Variants in RBM19 observed in about 807,000 individuals in gnomAD.
The protein encoded by RBM19 is RNA binding motif protein 19.
A neutral mutation model predicts 116.8 loss-of-function variants in RBM19; 94 were observed. The observed-to-expected ratio is 0.80, with a 90% CI of 0.68 to 0.95. RBM19 has a LOEUF of 0.95. RBM19 is among the 40% of genes least tolerant of loss of function. The pLI, the probability that RBM19 is intolerant of heterozygous loss-of-function variation, is 0.00. For missense variants in RBM19, 1,161 were observed against 1,220.7 expected, an observed-to-expected ratio of 0.95 and a Z score of 0.73; for synonymous variants, 475 against 494.1, an observed-to-expected ratio of 0.96 and a Z score of 0.51.
At chr12:113,820,562 G>A (rs1874347731), downstream of RBM19, among the ~76,000 whole-genome samples, 3 of 152,148 alleles carry the variant, frequency 2.0e-5, no homozygotes, top group African/African-American at 7.2e-5. Context: ...GTTTGAAGCT[G>A]CAGACTGACA....
At chr12:113,864,603 C>T (rs1353738777) in intron 21 of RBM19, among the ~76,000 whole-genome samples, 1 of 152,210 alleles carries the variant, frequency 6.6e-6, no homozygotes, top group Non-Finnish European at 1.5e-5. Context: ...CCCATGTGGC[C>T]AAGGGCCCCA....
intron 22 of RBM19, among the ~76,000 whole-genome samples, chr12:113,853,506 T>C (rs1877636061): frequency 6.6e-6 from 1 of 152,186 alleles, no homozygotes; most frequent in Non-Finnish European, 1.5e-5. Flanking sequence ...GCACATTGCA[T>C]GGGAAAAAAT....
At chr12:113,900,968 C>T (rs1881648662) in intron 21 of RBM19, among the ~76,000 whole-genome samples, 1 of 152,138 alleles carries the variant, frequency 6.6e-6, no homozygotes, top group Non-Finnish European at 1.5e-5. Flanking sequence ...GGCTTTGTGC[C>T]CATCCTGCAA....
intron 15 of RBM19, chr12:113,937,337 A>C: frequency 3.5e-5 from 17 of 492,430 alleles, no homozygotes; most frequent in Non-Finnish European, 5.6e-5. Context: ...GCTGCATCTC[A>C]GGGTGCAGGA....
At chr12:113,866,055 G>C (rs1878785994) in intron 21 of RBM19, among the ~76,000 whole-genome samples, 1 of 152,202 alleles carries the variant, frequency 6.6e-6, no homozygotes, top group African/African-American at 2.4e-5. Context: ...TGTGTACAAA[G>C]TGCAGGGTCA....
At chr12:113,916,674 G>A (rs994016341) in intron 20 of RBM19, among the ~76,000 whole-genome samples, 3 of 152,162 alleles carry the variant, frequency 2.0e-5, no homozygotes, top group African/African-American at 7.2e-5. Flanking sequence ...GCCATGCCAT[G>A]GGGACACTCA....
intron 21 of RBM19, among the ~76,000 whole-genome samples, chr12:113,909,578 G>A (rs1432671082): frequency 1.3e-5 from 2 of 152,196 alleles, no homozygotes; most frequent in Non-Finnish European, 2.9e-5. Context: ...AAGGGAGGGA[G>A]CGGTGAAGGA....
intron 21 of RBM19, among the ~76,000 whole-genome samples, chr12:113,896,338 C>G (rs1220116288): frequency 6.6e-6 from 1 of 152,182 alleles, no homozygotes; most frequent in African/African-American, 2.4e-5. Context: ...GGCCCCATCA[C>G]GTGAGGTGCT....
intron 21 of RBM19, among the ~76,000 whole-genome samples, chr12:113,879,218 G>A (rs1879910249): frequency 6.6e-6 from 1 of 151,988 alleles, no homozygotes; most frequent in Non-Finnish European, 1.5e-5. Context: ...GGCAATTCTG[G>A]ACCACATTCT....
At chr12:113,900,540 T>C (rs1881621397) in intron 21 of RBM19, among the ~76,000 whole-genome samples, 1 of 152,120 alleles carries the variant, frequency 6.6e-6, no homozygotes. Context: ...ATTCAACAAA[T>C]GAGGCCCCGA....
At chr12:113,827,335 C>A (rs548015641) in intron 23 of RBM19, among the ~76,000 whole-genome samples, 2 of 152,078 alleles carry the variant, frequency 1.3e-5, no homozygotes, top group African/African-American at 2.4e-5. Flanking sequence ...GTCCTGCCCC[C>A]CTCCCCACCA....
intron 22 of RBM19, among the ~76,000 whole-genome samples, chr12:113,849,166 C>T (rs1593479501): frequency 6.6e-6 from 1 of 152,234 alleles, no homozygotes; most frequent in Non-Finnish European, 1.5e-5. Context: ...CCCTGGACAC[C>T]TGGCCTCCGT....
intron 21 of RBM19, among the ~76,000 whole-genome samples, chr12:113,860,774 C>T (rs1238705924): frequency 1.3e-5 from 2 of 152,132 alleles, no homozygotes; most frequent in Admixed American, 6.5e-5. Flanking sequence ...GGGGTGCATG[C>T]CTTCCCTGGC....
At chr12:113,919,243 G>T (rs1882963816) in intron 19 of RBM19, among the ~76,000 whole-genome samples, 1 of 152,146 alleles carries the variant, frequency 6.6e-6, no homozygotes, top group Non-Finnish European at 1.5e-5. Context: ...CATGCATCAG[G>T]ATGCATCATC....
intron 18 of RBM19, among the ~76,000 whole-genome samples, chr12:113,921,473 C>G (rs115233746): frequency 1.1e-3 from 166 of 152,290 alleles, no homozygotes; most frequent in African/African-American, 3.9e-3. Flanking sequence ...TCCCTTCAGT[C>G]TGATGGGTTC....
intron 23 of RBM19, among the ~76,000 whole-genome samples, chr12:113,837,108 T>TACAC (rs1297702998): frequency 6.4e-5 from 8 of 124,850 alleles, no homozygotes; most frequent in East Asian, 2.7e-4. Context: ...CATACATACA[T>TACAC]ACACACACAC....
chr12:113,852,668 T>C (rs947270118), intron 22 of RBM19, among the ~76,000 whole-genome samples: 5 of 152,218 alleles, frequency 3.3e-5, no homozygotes, highest in Non-Finnish European at 5.9e-5. Context: ...CCACAGCCTG[T>C]GTTAAATGCT....
intron 5 of RBM19, 85 bp from the exon 6 acceptor site, chr12:113,958,135 T>A (rs1872139054): frequency 6.6e-7 from 1 of 1,522,780 alleles, no homozygotes; most frequent in Admixed American, 2.1e-5. Flanking sequence ...GTCCTCCTAG[T>A]GAGAGGCCTG....
chr12:113,877,663 C>G (rs918848695), intron 21 of RBM19, among the ~76,000 whole-genome samples: 2 of 152,194 alleles, frequency 1.3e-5, no homozygotes, highest in African/African-American at 4.8e-5. Context: ...TATGAGCAGG[C>G]AGCAACGAAA....
Sources: allele counts gnomAD v4.1 joint callset (sites outside exome capture counted in the v4.1 genomes callset), GRCh38; gene constraint gnomAD v4.1.1; transcripts MANE v1.5; gene names NCBI Gene and HGNC (gene_info 2026-07-23, HGNC 2026-07-21).